ZBTB46: variants seen among roughly 807,000 people sequenced by gnomAD.
ZBTB46 encodes the protein zinc finger and BTB domain containing 46, also known as zinc finger and BTB domain-containing protein 46.
Under a neutral mutation model 44.1 loss-of-function variants are expected in ZBTB46, and 8 were observed. The observed-to-expected ratio is 0.18, with a 90% CI of 0.11 to 0.33. The LOEUF is 0.33. Ranked by LOEUF, ZBTB46 falls within the 10% of genes least tolerant of loss-of-function variation. The pLI is 1.00. For missense variants in ZBTB46, 651 were observed against 847.7 expected (o/e 0.77, Z 2.88); for synonymous variants, 409 against 382.3 (o/e 1.07, Z -0.81).
chr20:63,746,921 C>A lies in ZBTB46; in HGVS notation c.*9G>T. ...GCGAGGCAGCCACCGACCCTGCCGGCGGGCGGGCCTAGGAGAGCCAGGCGA... is the reference window on the plus strand; with the variant it reads ...GCGAGGCAGCCACCGACCCTGCCGGAGGGCGGGCCTAGGAGAGCCAGGCGA... On this transcript the variant is annotated 3_prime_UTR_variant, in exon 5 of 5. Coordinates refer to ENST00000245663, the MANE Select transcript of ZBTB46 (RefSeq NM_001369741.1). The A allele has an allele frequency of 6.6e-7, 1 of 1,514,676 alleles. No homozygotes were observed. The allele number at this position is 1,514,676 out of a possible 1,614,324, so 93.8% of individuals were successfully genotyped here. A position where few individuals can be genotyped will look rare whatever the true frequency, so the allele number is the denominator to read the frequency against.
At chr20:63,810,415 G>A (rs1223285519) in intron 1 of ZBTB46, among the ~76,000 whole-genome samples, 1 of 152,088 alleles carries the variant, frequency 6.6e-6, no homozygotes, top group Non-Finnish European at 1.5e-5. Context: ...CACACACACC[G>A]ACCACACTCA....
chr20:63,756,289 G>A (rs532779689), intron 3 of ZBTB46, among the ~76,000 whole-genome samples: 10 of 152,334 alleles, frequency 6.6e-5, no homozygotes, highest in Admixed American at 1.3e-4. Flanking sequence ...GAAACCAGCC[G>A]TGAAGCAAAT....
intron 4 of ZBTB46, among the ~76,000 whole-genome samples, chr20:63,749,212 G>A (rs2092134840): frequency 6.6e-6 from 1 of 152,242 alleles, no homozygotes; most frequent in South Asian, 2.1e-4. Context: ...GGCAGCTGGT[G>A]GCTTTCAGGG....
chr20:63,811,864 T>C (rs1232496184), intron 1 of ZBTB46, among the ~76,000 whole-genome samples: 5 of 152,176 alleles, frequency 3.3e-5, no homozygotes, highest in African/African-American at 1.2e-4. Context: ...AGCACATCTA[T>C]TTCACCAACT....
chr20:63,795,495 G>A (rs1350263717), intron 1 of ZBTB46, among the ~76,000 whole-genome samples: 1 of 152,260 alleles, frequency 6.6e-6, no homozygotes, highest in African/African-American at 2.4e-5. Context: ...AGCACACTGT[G>A]CTTTTGGGGG....
intron 1 of ZBTB46, among the ~76,000 whole-genome samples, chr20:63,819,063 C>A (rs2092776683): frequency 6.6e-6 from 1 of 151,308 alleles, no homozygotes; most frequent in African/African-American, 2.4e-5. Flanking sequence ...ATCCCAGCTA[C>A]TCAGGAGGCT....
intron 4 of ZBTB46, among the ~76,000 whole-genome samples, chr20:63,747,730 A>G (rs1464907187): frequency 1.3e-5 from 2 of 152,096 alleles, no homozygotes; most frequent in Non-Finnish European, 2.9e-5. Context: ...CCCTGTCCCA[A>G]GGGGATGCTG....
Position 63,810,340 on chromosome 20 carries a change from G to T in ZBTB46, c.-33-19550C>A, listed in dbSNP as rs145535619. Among the ~76,000 whole-genome samples the T allele has an allele frequency of 3.2e-3, 483 of 152,288 alleles. 3 individuals carry two copies. Among genetic ancestry groups the T allele is most frequent in the East Asian group, 9.1e-3 (47 of 5,188 alleles). On this transcript the variant is annotated intron_variant, in intron 1 of 4. Coordinates refer to ENST00000245663, the MANE Select transcript of ZBTB46 (RefSeq NM_001369741.1). ...ATGCCAGTCACGTGGATGCTTAGAA[G>T]TTTATCAGAAATTAACGGGAAGAAA...
chr20:63,818,340 G>A (rs1017902637), intron 1 of ZBTB46, among the ~76,000 whole-genome samples: 1 of 152,152 alleles, frequency 6.6e-6, no homozygotes, highest in Admixed American at 6.5e-5. Flanking sequence ...TCCAAGTCAC[G>A]GTCCCCTCCA....
chr20:63,781,672 A>G (rs1406000909), intron 2 of ZBTB46, among the ~76,000 whole-genome samples: 1 of 152,002 alleles, frequency 6.6e-6, no homozygotes, highest in Non-Finnish European at 1.5e-5. Context: ...GGTGATTGTA[A>G]TCCCAGGTAC....
At chr20:63,747,509 GC>G (rs1443841400) in intron 4 of ZBTB46, among the ~76,000 whole-genome samples, 8 of 89,976 alleles carry the variant, frequency 8.9e-5, no homozygotes, top group South Asian at 4.7e-4. Flanking sequence ...TGGGAGGGGG[GC>G]CAGGGGGTGA....
chr20:63,761,297 C>T (rs942521944), intron 3 of ZBTB46, among the ~76,000 whole-genome samples: 9 of 152,016 alleles, frequency 5.9e-5, no homozygotes, highest in African/African-American at 2.2e-4. Flanking sequence ...CCACACTCAC[C>T]CTGATATCTA....
intron 1 of ZBTB46, among the ~76,000 whole-genome samples, chr20:63,816,091 G>A (rs1568902721): frequency 6.7e-6 from 1 of 148,390 alleles, no homozygotes; most frequent in Non-Finnish European, 1.5e-5. Context: ...GGTGGGCACA[G>A]GTGCAGTGGG....
Position 63,809,539 on chromosome 20 carries a change from C to T in ZBTB46, c.-33-18749G>A, listed in dbSNP as rs1295852570. ...CCGGGAGACAGCAGGAGCTCCGCGA[C>T]CTCCCTTCCTCTCCCCTCTTCTCCC... On this transcript the variant is annotated intron_variant, in intron 1 of 4. Transcript: ENST00000245663. 3.3e-5 allele frequency among the ~76,000 whole-genome samples: 5 copies of T among 152,164 alleles called. No individual in the cohort carries two copies. The East Asian group carries it at 9.6e-4, about 29-fold the overall frequency.
intron 2 of ZBTB46, among the ~76,000 whole-genome samples, chr20:63,780,530 C>T (rs1021967894): frequency 2.0e-5 from 3 of 152,026 alleles, no homozygotes; most frequent in East Asian, 1.9e-4. Context: ...TGGCTGGGCA[C>T]GGTGGCTCAT....
intron 1 of ZBTB46, among the ~76,000 whole-genome samples, chr20:63,830,287 T>G (rs1160202866): frequency 6.6e-6 from 1 of 152,084 alleles, no homozygotes; most frequent in Non-Finnish European, 1.5e-5. Context: ...GCCTTAGGGA[T>G]TGAGTTGTCA....
Position 63,790,071 on chromosome 20 carries a change from C to G in ZBTB46, c.687G>C (p.Lys229Asn), listed in dbSNP as rs758208346. 1 of 1,613,940 alleles carries G rather than the reference C, an allele frequency of 6.2e-7. No individual in the cohort carries two copies. The highest frequency in any genetic ancestry group is 8.5e-7 in the Non-Finnish European group (1 of 1,180,010). The change falls in exon 2 of 5, where the codon AAG becomes AAC. Residue 229 changes from lysine to asparagine, a missense_variant. By Grantham distance (94) the Lys-to-Asn change is moderately conservative (BLOSUM62 0). Around this residue, in one of 5 missense-constraint regions of ZBTB46, gnomAD observed 385 missense variants for 423.3 expected, o/e 0.91. Coordinates refer to ENST00000245663, the MANE Select transcript of ZBTB46 (RefSeq NM_001369741.1). ...ACTGAGACGGTGAAACCTGCTCTTC[C>G]TTGATGCGCAGAGGCCCGTAGCCCA... is the stretch of plus-strand genomic sequence containing the variant. ...GDVGYGPLRI[K>N]EEQVSPSQYG...
At chr20:63,769,177 G>A (rs1320265467) in intron 3 of ZBTB46, 1 of 985,026 alleles carries the variant, frequency 1.0e-6, no homozygotes, top group Non-Finnish European at 1.2e-6. Context: ...CGCACACATG[G>A]GTGTCAGGGA....
rs868583845 is a variant in ZBTB46 at position 63,816,023 on chromosome 20, G to A, written c.-34+15074C>T. On this transcript the variant is annotated intron_variant, in intron 1 of 4. Transcript: ENST00000245663. Reference sequence around the variant, plus strand: ...ACAGGTGGGCACAGGTGCAGTGGGCGCAGGTGGGCACAGGTGCGGTGGGTG... The same window carrying A: ...ACAGGTGGGCACAGGTGCAGTGGGCACAGGTGGGCACAGGTGCGGTGGGTG... Among the ~76,000 whole-genome samples, 400 of 142,860 alleles carry A rather than the reference G, an allele frequency of 2.8e-3. 5 individuals carry two copies. The highest frequency in any genetic ancestry group is 9.9e-3 in the African/African-American group (368 of 37,246). The allele number at this position is 142,860 out of a possible 152,430, so 93.7% of individuals were successfully genotyped here.
Sources: allele counts gnomAD v4.1 joint callset (sites outside exome capture counted in the v4.1 genomes callset), GRCh38; gene constraint gnomAD v4.1.1; regional missense constraint gnomAD v4.1.1; transcripts MANE v1.5; gene names NCBI Gene and HGNC (gene_info 2026-07-23, HGNC 2026-07-21).